FOXO1: variants seen among roughly 807,000 people sequenced by gnomAD.
FOXO1 encodes the protein forkhead box protein O1.
Under a neutral mutation model 44.1 loss-of-function variants are expected in FOXO1, and 6 were observed. The observed-to-expected ratio is 0.14, with a 90% confidence interval of 0.07 to 0.27. FOXO1 has a LOEUF of 0.27. Among genes scored for constraint, FOXO1 ranks in the 10% least tolerant of loss-of-function variants. The pLI, the probability that FOXO1 is intolerant of heterozygous loss-of-function variation, is 1.00. For missense variants in FOXO1, 737 were observed against 888.8 expected, an observed-to-expected ratio of 0.83 and a Z score of 2.17; for synonymous variants, 380 against 362.7, an observed-to-expected ratio of 1.05 and a Z score of -0.54.
chr13:40,657,289 G>C (rs1375200067), intron 1 of FOXO1, among the ~76,000 whole-genome samples: 4 of 150,648 alleles, frequency 2.7e-5, no homozygotes, highest in East Asian at 2.0e-4. Flanking sequence ...TAGCGAAATC[G>C]TAAGGGAACA....
intron 1 of FOXO1, chr13:40,620,609 C>T (rs750126959): frequency 2.4e-6 from 1 of 415,300 alleles, no homozygotes; most frequent in African/African-American, 2.1e-5. Context: ...AACTGAGTAA[C>T]CTTAGGTACA....
chr13:40,646,578 T>C (rs756953894), intron 1 of FOXO1, among the ~76,000 whole-genome samples: 10 of 152,142 alleles, frequency 6.6e-5, no homozygotes, highest in South Asian at 2.1e-4. Context: ...TTGAACTTCA[T>C]AACAATTCAT....
chr13:40,623,399 C>G (rs1359184589), intron 1 of FOXO1, among the ~76,000 whole-genome samples: 1 of 152,100 alleles, frequency 6.6e-6, no homozygotes, highest in Non-Finnish European at 1.5e-5. Context: ...GAAGACAGAT[C>G]GGTAAACTTG....
intron 1 of FOXO1, among the ~76,000 whole-genome samples, chr13:40,585,595 A>C: frequency 6.6e-6 from 1 of 152,340 alleles, no homozygotes; most frequent in South Asian, 2.1e-4. Flanking sequence ...GTGGAAGTGC[A>C]ATTCGTATTT....
rs772361290 is a variant in FOXO1 at position 40,559,950 on chromosome 13, T to A, written c.1541A>T (p.Asn514Ile). The A allele has an allele frequency of 6.2e-7, 1 of 1,614,156 alleles. No individual in the cohort carries two copies. Residue 514 changes from asparagine to isoleucine, a missense_variant, in exon 2 of 3, where the codon AAC (asparagine) becomes ATC (isoleucine). Around this residue, in one of 7 missense-constraint regions of FOXO1, gnomAD observed 283 missense variants for 278.1 expected, o/e 1.02. Transcript: ENST00000379561. ...ATGGGAGCTGGGATTCATCATTTTG[T>A]TATGAGATGCCTGGCTGCCATAGGT... is the stretch of plus-strand genomic sequence containing the variant. ...MSTYGSQASHNKMMNPSSHTH... is the reference protein window; with the variant it reads ...MSTYGSQASHIKMMNPSSHTH...
intron 1 of FOXO1, among the ~76,000 whole-genome samples, chr13:40,664,440 A>T (rs1878147905): frequency 6.6e-6 from 1 of 151,700 alleles, no homozygotes; most frequent in African/African-American, 2.4e-5. Context: ...CGGAGTCGGG[A>T]AGTGCCTGCC....
chr13:40,575,900 T>C (rs575447949), intron 1 of FOXO1, among the ~76,000 whole-genome samples: 3 of 152,268 alleles, frequency 2.0e-5, no homozygotes, highest in Non-Finnish European at 2.9e-5. Flanking sequence ...TAAAACGGGA[T>C]GGGAATTCTT....
At chr13:40,614,141 G>A (rs1251877327) in intron 1 of FOXO1, among the ~76,000 whole-genome samples, 1 of 152,158 alleles carries the variant, frequency 6.6e-6, no homozygotes, top group African/African-American at 2.4e-5. Flanking sequence ...AAAGTCCCAG[G>A]GAACTAACCT....
chr13:40,559,434 C>T, intron 2 of FOXO1, 75 bp downstream of exon 2: 1 of 1,350,284 alleles, frequency 7.4e-7, no homozygotes, highest in Non-Finnish European at 1.0e-6. Flanking sequence ...GATGTGCTAA[C>T]CATGGCAAGT....
intron 1 of FOXO1, among the ~76,000 whole-genome samples, chr13:40,601,598 T>C (rs760284096): frequency 6.6e-6 from 1 of 152,238 alleles, no homozygotes; most frequent in Non-Finnish European, 1.5e-5. Flanking sequence ...ATCTTCTGAA[T>C]TGTCCAATAT....
rs375761382 is a variant in FOXO1 at position 40,632,563 on chromosome 13, G to A, written c.630+33020C>T. 1.1e-3 allele frequency among the ~76,000 whole-genome samples: 172 copies of A among 152,062 alleles called. 2 individuals are homozygous for A. Among genetic ancestry groups the A allele is most frequent in the African/African-American group, 3.6e-3 (149 of 41,456 alleles). ...TGAGGCACGAATATCTCTTGAGCCC[G>A]GGAGGCGGAGGTTGCAGTGAGCTGA... On this transcript the variant is annotated intron_variant, in intron 1 of 2. Transcript: ENST00000379561.
At chr13:40,579,620 A>G (rs76202516) in intron 1 of FOXO1, among the ~76,000 whole-genome samples, 1,619 of 151,414 alleles carry the variant, frequency 0.011, 56 homozygotes, top group Admixed American at 0.061. Flanking sequence ...TGAAAAAAAA[A>G]GGGGGCGGGG....
intron 1 of FOXO1, among the ~76,000 whole-genome samples, chr13:40,579,467 G>C (rs1874881054): frequency 1.3e-5 from 2 of 152,316 alleles, no homozygotes; most frequent in African/African-American, 2.4e-5. Context: ...GTTATGACAG[G>C]AGAAGAATGG....
chr13:40,640,008 T>C (rs185021341), intron 1 of FOXO1, among the ~76,000 whole-genome samples: 95 of 152,304 alleles, frequency 6.2e-4, no homozygotes, highest in African/African-American at 2.1e-3. Context: ...AAGGTTAAGT[T>C]AAACAAGCTT....
At chr13:40,574,168 A>AC (rs1874652169) in intron 1 of FOXO1, among the ~76,000 whole-genome samples, 1 of 152,240 alleles carries the variant, frequency 6.6e-6, no homozygotes, top group South Asian at 2.1e-4. Context: ...AAAATAAAAA[A>AC]TTTTTAAAAA....
chr13:40,626,196 T>A, intron 1 of FOXO1, among the ~76,000 whole-genome samples: 1 of 152,158 alleles, frequency 6.6e-6, no homozygotes, highest in East Asian at 1.9e-4. Context: ...AACAACAGAA[T>A]AACAAATCCT....
intron 1 of FOXO1, among the ~76,000 whole-genome samples, chr13:40,659,333 A>G (rs1877962870): frequency 7.2e-6 from 1 of 138,582 alleles, no homozygotes; most frequent in African/African-American, 2.8e-5. Context: ...AAAAAAAAAG[A>G]AAAGAAAAGA....
In FOXO1 at chr13:40,555,780, G is replaced by A. The variant is rs1303744624; in HGVS notation, c.*3269C>T. On this transcript the variant is annotated 3_prime_UTR_variant, in exon 3 of 3. Coordinates refer to ENST00000379561, the MANE Select transcript of FOXO1 (RefSeq NM_002015.4). ...ACCAAGCCATTTAAACATAATTTAT[G>A]TACATTTATGGCTTTATACAATTAT... The A allele has an allele frequency of 6.5e-6, 1 of 152,676 alleles. No homozygotes were observed. The highest frequency in any genetic ancestry group is 2.4e-5 in the African/African-American group (1 of 41,472). The allele number at this position is 152,676 out of a possible 1,614,324, so 9.5% of individuals were successfully genotyped here.
At chr13:40,656,428 T>C (rs1593417938) in intron 1 of FOXO1, among the ~76,000 whole-genome samples, 1 of 152,228 alleles carries the variant, frequency 6.6e-6, no homozygotes, top group East Asian at 1.9e-4. Flanking sequence ...CTTTCTTTCT[T>C]TGAATCACTC....
Sources: gnomAD v4.1 joint callset for allele counts (sites outside exome capture counted in the v4.1 genomes callset) on GRCh38, gnomAD v4.1.1 for gene constraint, gnomAD v4.1.1 regional missense constraint, MANE v1.5 for transcripts, NCBI Gene and HGNC (gene_info 2026-07-23, HGNC 2026-07-21) for gene names.